MICB: variants seen among roughly 807,000 people sequenced by gnomAD.
MICB encodes the protein MHC class I antigen-related protein B.
MICB carries 27 observed loss-of-function variants against 34.3 expected under a neutral mutation model. That is an observed-to-expected ratio of 0.79 (90% CI 0.58 to 1.08). The LOEUF is 1.08. MICB is among the 50% of genes least tolerant of loss of function. The probability of loss-of-function intolerance (pLI) is 0.00; values close to 1 mark genes in which losing one functional copy is unlikely to be tolerated. For missense variants in MICB, 426 were observed against 483.1 expected, an observed-to-expected ratio of 0.88 and a Z score of 1.11; for synonymous variants, 153 against 187.4, an observed-to-expected ratio of 0.82 and a Z score of 1.50.
At chr6:31,498,446 C>CTTTTTTTTTT (rs9279321) in intron 1 of MICB, among the ~76,000 whole-genome samples, 183 bp downstream of exon 1, 13 of 89,306 alleles carry the variant, frequency 1.5e-4, no homozygotes, top group Non-Finnish European at 2.3e-4. Flanking sequence ...TCTCCCGTCT[C>CTTTTTTTTTT]TTTTTTTTTT....
intron 3 of MICB, 77 bp from the exon 4 acceptor site, chr6:31,506,945 G>A: frequency 6.4e-7 from 1 of 1,557,486 alleles, no homozygotes; most frequent in Non-Finnish European, 8.7e-7. Flanking sequence ...TGAGAACAGT[G>A]GAGAGGAGCA....
rs1765436079 is a variant in MICB, at chr6:31,507,722, G to A, written c.1024+191G>A. ...CATAAGTGCTTCCCAAGCCAGGGCT[G>A]GGGCAAGGCCTTCGAATATCCAGCT... On this transcript the variant is annotated intron_variant, in intron 5 of 5. Transcript: ENST00000252229. This position sits in a 1 kb window ranked among gnomAD's most constrained non-coding sequence, Gnocchi z 6.0. Among the ~76,000 whole-genome samples, 1 of 152,138 alleles carries A rather than the reference G, an allele frequency of 6.6e-6. No individual in the cohort carries two copies. The highest frequency in any genetic ancestry group is 1.5e-5 in the Non-Finnish European group (1 of 68,018).
At chr6:31,498,687 T>G (rs1479157157) in intron 1 of MICB, 1 of 155,932 alleles carries the variant, frequency 6.4e-6, no homozygotes. Context: ...CAGGATGGTC[T>G]CGATCTCCTG....
upstream of MICB, among the ~76,000 whole-genome samples, chr6:31,495,207 G>T (rs1390252432): frequency 6.6e-6 from 1 of 152,106 alleles, no homozygotes; most frequent in Non-Finnish European, 1.5e-5. Flanking sequence ...CCCTGAAACC[G>T]CTTCTAAATG....
rs757799514 is a variant in MICB at position 31,498,260 on chromosome 6, G to T, written c.67G>T (p.Ala23Ser). The change falls in exon 1 of 6, where the codon GCT becomes TCT. Residue 23 changes from alanine to serine, a missense_variant. Physicochemically the swap from Ala to Ser is moderately conservative, Grantham distance 99 (BLOSUM62 1). Transcript: ENST00000252229. ...AFPFAPPAAA[A>S]EPHSLRYNLM... Reference sequence around the variant, plus strand: ...CCCTTTTGCACCCCCGGCAGCCGCCGCTGGTGAGTGGGGTTCCTGGCGGTC... The same window carrying T: ...CCCTTTTGCACCCCCGGCAGCCGCCTCTGGTGAGTGGGGTTCCTGGCGGTC... The T allele has an allele frequency of 1.9e-6, 3 of 1,568,218 alleles. No homozygotes were observed. Among genetic ancestry groups the T allele is most frequent in the Non-Finnish European group, 2.6e-6 (3 of 1,154,746 alleles).
rs377052867 is a variant in MICB at position 31,507,460 on chromosome 6, C to A, written c.953C>A (p.Pro318Gln). ...TTTCCATATGTTTCTGCTGCTATGC[C>A]ATGTTTTGTTATTATTATTATTCTC... ...TDFPYVSAAM[P>Q]CFVIIIILCV... Residue 318 changes from proline (P) to glutamine (Q), a missense_variant, in exon 5 of 6, where the codon CCA becomes CAA. By Grantham distance (76) the Pro-to-Gln change is moderately conservative (BLOSUM62 -1). Transcript: ENST00000252229. The surrounding 1 kb of genome is among the most constrained non-coding windows in gnomAD (Gnocchi z 6.0). The A allele has an allele frequency of 1.1e-5, 18 of 1,614,000 alleles. No homozygotes were observed. The African/African-American group carries it at 2.4e-4, about 22-fold the overall frequency.
chr6:31,508,955 G>T (rs1200222268), intron 5 of MICB, among the ~76,000 whole-genome samples: 5 of 152,164 alleles, frequency 3.3e-5, no homozygotes, highest in Non-Finnish European at 7.4e-5. Flanking sequence ...GCAGCCTCAG[G>T]CTAAGGGGTC....
chr6:31,505,595 C>T (rs1030491686), intron 1 of MICB, 22 bp from the exon 2 acceptor site: 1 of 1,608,482 alleles, frequency 6.2e-7, no homozygotes. Flanking sequence ...AGAAGTTTCA[C>T]CTGTGATTTC....
At chr6:31,497,572 A>G (rs1046840260), upstream of MICB, among the ~76,000 whole-genome samples, 1 of 152,158 alleles carries the variant, frequency 6.6e-6, no homozygotes, top group African/African-American at 2.4e-5. Flanking sequence ...TGAAACGTCT[A>G]AGAGAATTTG....
At chr6:31,496,171 A>C (rs1295805218), upstream of MICB, among the ~76,000 whole-genome samples, 1 of 151,680 alleles carries the variant, frequency 6.6e-6, no homozygotes, top group East Asian at 1.9e-4. Context: ...CCAATGACTA[A>C]GAATGTGCGC....
At chr6:31,497,051 C>T (rs1268644092), upstream of MICB, among the ~76,000 whole-genome samples, 2 of 152,164 alleles carry the variant, frequency 1.3e-5, no homozygotes, top group Admixed American at 6.5e-5. Flanking sequence ...AGATGGGGCG[C>T]TGTGGGTGGC....
At chr6:31,500,369 A>G (rs1355300782) in intron 1 of MICB, among the ~76,000 whole-genome samples, 1 of 152,096 alleles carries the variant, frequency 6.6e-6, no homozygotes, top group Admixed American at 6.5e-5. Context: ...GGATATTTTG[A>G]CACAGGCCTA....
At position 31,505,651 on chromosome 6, in the gene MICB, G is replaced by T. The variant is rs191328967; in HGVS notation, c.105G>T (p.Leu35=). 1.9e-6 allele frequency: 3 copies of T among 1,612,870 alleles called. No homozygotes were observed. The highest frequency in any genetic ancestry group is 1.7e-6 in the Non-Finnish European group (2 of 1,179,922). Reference sequence around the variant, plus strand: ...GTCTTCGTTACAACCTCATGGTGCTGTCCCAGGATGGATCTGTGCAGTCAG... The same window carrying T: ...GTCTTCGTTACAACCTCATGGTGCTTTCCCAGGATGGATCTGTGCAGTCAG... The part of the protein sequence containing the change: ...PHSLRYNLMV[L]SQDGSVQSGF... Residue 35 remains leucine, a synonymous_variant, in exon 2 of 6, where the codon CTG becomes CTT. Transcript: ENST00000252229.
In MICB at chr6:31,510,220, TG is replaced by T; in HGVS notation, c.*313del. The T allele has an allele frequency of 3.9e-6, 1 of 253,984 alleles. No homozygotes were observed. The highest frequency in any genetic ancestry group is 1.0e-4 in the South Asian group (1 of 9,574). 15.7% of individuals were successfully genotyped at this position (253,984 alleles called of 1,614,324 possible). A position where few individuals can be genotyped will look rare whatever the true frequency, so the allele number is the denominator to read the frequency against. On this transcript the variant is annotated 3_prime_UTR_variant, in exon 6 of 6. Coordinates refer to ENST00000252229, the MANE Select transcript of MICB (RefSeq NM_005931.5). ...AGGTTTGCTGAGGGCATTCACTCCATGGTGCTCATTGGAGTTATCTACTGGG... is the reference window on the plus strand; with the variant it reads ...AGGTTTGCTGAGGGCATTCACTCCATGTGCTCATTGGAGTTATCTACTGGG...
At position 31,498,499 on chromosome 6, in the gene MICB, T is replaced by C. The variant is rs1269721429; in HGVS notation, c.70+236T>C. Among the ~76,000 whole-genome samples the C allele has an allele frequency of 2.4e-5, 3 of 122,920 alleles. No individual in the cohort carries two copies. In the East Asian group the frequency reaches 8.3e-4, roughly 34 times the overall value. 80.6% of individuals were successfully genotyped at this position (122,920 alleles called of 152,430 possible). On this transcript the variant is annotated intron_variant, in intron 1 of 5. Coordinates refer to ENST00000252229, the MANE Select transcript of MICB (RefSeq NM_005931.5). Reference sequence around the variant, plus strand: ...TTTTTTTTTTCTTTCTGAGACGGAGTCTCTGTCGCCTAGGCTGTAGTGCAG... The same window carrying C: ...TTTTTTTTTTCTTTCTGAGACGGAGCCTCTGTCGCCTAGGCTGTAGTGCAG...
chr6:31,505,470 C>T (rs115935870), intron 1 of MICB, 147 bp from the exon 2 acceptor site: 18,254 of 1,170,758 alleles, frequency 0.016, 227 homozygotes, highest in East Asian at 0.033. Context: ...CACAGTTTTC[C>T]TTGTATATGA....
At chr6:31,495,800 T>C (rs2534680), upstream of MICB, among the ~76,000 whole-genome samples, 47,812 of 151,802 alleles carry the variant, frequency 0.31, 7,763 homozygotes, top group Middle Eastern at 0.39. Flanking sequence ...GGTGGGAGGA[T>C]TGCTTGAGCC....
chr6:31,506,380 T>C lies in MICB; in HGVS notation c.563T>C (p.Leu188Pro). 6.2e-7 allele frequency: 1 copy of C among 1,614,148 alleles called. No individual in the cohort carries two copies. Among genetic ancestry groups the C allele is most frequent in the South Asian group, 1.1e-5 (1 of 91,084 alleles). The change falls in exon 3 of 6, where the codon CTG (leucine) becomes CCG (proline). Residue 188 changes from leucine (L) to proline (P), a missense_variant. By Grantham distance (98) the Leu-to-Pro change is moderately conservative (BLOSUM62 -3). Transcript: ENST00000252229. ...THYRAMQADC[L>P]QKLQRYLKSG... ...TATCGCGCTATGCAGGCAGACTGCC[T>C]GCAGAAACTACAGCGATATCTGAAA...
intron 5 of MICB, among the ~76,000 whole-genome samples, 159 bp from the exon 6 acceptor site, chr6:31,509,623 T>C (rs1562370045): frequency 6.6e-6 from 1 of 151,988 alleles, no homozygotes; most frequent in Non-Finnish European, 1.5e-5. Context: ...TGACAGGGGC[T>C]GGGAAAAGCA....
Sources: allele counts gnomAD v4.1 joint callset (sites outside exome capture counted in the v4.1 genomes callset), GRCh38; gene constraint gnomAD v4.1.1; non-coding constraint Gnocchi (gnomAD v3.1); transcripts MANE v1.5; gene names NCBI Gene and HGNC (gene_info 2026-07-23, HGNC 2026-07-21).